Variants in NR3C2 observed in about 807,000 individuals in gnomAD.
NR3C2 encodes nuclear receptor subfamily 3 group C member 2, also known as mineralocorticoid receptor.
A neutral mutation model predicts 86.4 loss-of-function variants in NR3C2; 15 were observed. The ratio of observed to expected loss-of-function variants is 0.17; its 90% CI spans 0.12 to 0.27. The LOEUF (loss-of-function observed/expected upper bound fraction) is 0.27. NR3C2 is among the 10% of genes least tolerant of loss of function. The probability of loss-of-function intolerance (pLI) is 1.00; values close to 1 mark genes in which losing one functional copy is unlikely to be tolerated. For synonymous variants in NR3C2, 458 were observed against 450.5 expected (o/e 1.02, Z -0.21); for missense variants, 960 against 1,195.6 (o/e 0.80, Z 2.91).
At chr4:148,108,448 C>T (rs556645054) in intron 8 of NR3C2, among the ~76,000 whole-genome samples, 2 of 152,260 alleles carry the variant, frequency 1.3e-5, no homozygotes, top group East Asian at 3.9e-4. Context: ...AATGACATCT[C>T]CCCAGTGTGT....
At chr4:148,147,680 G>A (rs554834746) in intron 6 of NR3C2, among the ~76,000 whole-genome samples, 3 of 152,340 alleles carry the variant, frequency 2.0e-5, no homozygotes, top group African/African-American at 4.8e-5. Context: ...GGAGGACCAC[G>A]TCAGTGCACT....
intron 2 of NR3C2, among the ~76,000 whole-genome samples, chr4:148,401,438 A>G (rs1748155596): frequency 1.3e-5 from 2 of 151,280 alleles, no homozygotes; most frequent in African/African-American, 4.9e-5. Flanking sequence ...GGAGCTTACT[A>G]AAGACTTCTG....
intron 2 of NR3C2, among the ~76,000 whole-genome samples, chr4:148,394,260 C>T (rs947095302): frequency 6.6e-6 from 1 of 151,868 alleles, no homozygotes; most frequent in Non-Finnish European, 1.5e-5. Flanking sequence ...CCCAAAACTG[C>T]AGAATTACCA....
intron 2 of NR3C2, among the ~76,000 whole-genome samples, chr4:148,332,204 G>GA (rs1457716802): frequency 6.6e-6 from 1 of 152,000 alleles, no homozygotes; most frequent in African/African-American, 2.4e-5. Flanking sequence ...ATAAAACTCA[G>GA]AAAAAGAAAT....
chr4:148,299,485 G>A (rs1269257027), intron 2 of NR3C2, among the ~76,000 whole-genome samples: 1 of 152,148 alleles, frequency 6.6e-6, no homozygotes, highest in Non-Finnish European at 1.5e-5. Context: ...ACAGACATGC[G>A]TGGGATGGAT....
intron 4 of NR3C2, among the ~76,000 whole-genome samples, chr4:148,170,106 G>A (rs193039221): frequency 9.8e-5 from 15 of 152,294 alleles, no homozygotes; most frequent in African/African-American, 3.4e-4. Flanking sequence ...AAATGGTCCT[G>A]TGTATTGTAC....
chr4:148,291,284 T>C lies in NR3C2; in HGVS notation c.1758-31167A>G, dbSNP rs568645141. Among the ~76,000 whole-genome samples, 285 of 152,230 alleles carry C rather than the reference T, an allele frequency of 1.9e-3. 10 individuals are homozygous for C. The South Asian group carries it at 0.056, about 30-fold the overall frequency. ...TCCAAGAAGGTCTTTACCACTTAAATCTTTACATCAAAGATTTTTAGTTTG... is the reference window on the plus strand; with the variant it reads ...TCCAAGAAGGTCTTTACCACTTAAACCTTTACATCAAAGATTTTTAGTTTG... On this transcript the variant is annotated intron_variant, in intron 2 of 8. Coordinates refer to ENST00000358102, the MANE Select transcript of NR3C2 (RefSeq NM_000901.5).
At chr4:148,174,502 T>C (rs2149786588) in intron 4 of NR3C2, among the ~76,000 whole-genome samples, 1 of 152,348 alleles carries the variant, frequency 6.6e-6, no homozygotes, top group Middle Eastern at 3.4e-3. Flanking sequence ...ACACTAGCTA[T>C]GCACAGACAT....
At chr4:148,244,689 G>A (rs1051382829) in intron 3 of NR3C2, among the ~76,000 whole-genome samples, 5 of 152,202 alleles carry the variant, frequency 3.3e-5, no homozygotes, top group African/African-American at 1.2e-4. Flanking sequence ...GGGAGAGGAA[G>A]AGCCTAGTAT....
chr4:148,116,857 T>C (rs141783356), intron 7 of NR3C2, among the ~76,000 whole-genome samples: 87 of 152,306 alleles, frequency 5.7e-4, no homozygotes, highest in Middle Eastern at 3.4e-3. Flanking sequence ...TGAATTTAGA[T>C]TGAGTAGTCA....
intron 3 of NR3C2, among the ~76,000 whole-genome samples, chr4:148,201,704 ACTTTT>A (rs1389912270): frequency 3.9e-5 from 6 of 152,030 alleles, no homozygotes; most frequent in African/African-American, 1.2e-4. Flanking sequence ...CTCCCCCATT[ACTTTT>A]CTTTTAAGTC....
intron 3 of NR3C2, among the ~76,000 whole-genome samples, chr4:148,205,000 T>C (rs2149811804): frequency 6.6e-6 from 1 of 152,262 alleles, no homozygotes; most frequent in Non-Finnish European, 1.5e-5. Flanking sequence ...ACCTCAAAAG[T>C]AGAAATGAGG....
At chr4:148,189,667 G>C (rs556322990) in intron 4 of NR3C2, among the ~76,000 whole-genome samples, 1 of 152,008 alleles carries the variant, frequency 6.6e-6, no homozygotes, top group Admixed American at 6.5e-5. Context: ...TTTTTTTGTT[G>C]ACAATTTTTT....
rs561955616 is a variant in NR3C2 at position 148,406,193 on chromosome 4, T to C, written c.1757+28911A>G. ...CAAAAAAACAAACAAACAAAAAAAG[T>C]GAACAAGAGGGTAACAGCACTGTCT... On this transcript the variant is annotated intron_variant, in intron 2 of 8. Coordinates refer to ENST00000358102, the MANE Select transcript of NR3C2 (RefSeq NM_000901.5). Among the ~76,000 whole-genome samples, 7 of 151,824 alleles carry C rather than the reference T, an allele frequency of 4.6e-5. No homozygotes were observed. The South Asian group carries it at 1.5e-3, about 32-fold the overall frequency.
chr4:148,136,702 A>C (rs1004607125), intron 6 of NR3C2, among the ~76,000 whole-genome samples: 2 of 151,830 alleles, frequency 1.3e-5, no homozygotes, highest in Non-Finnish European at 2.9e-5. Flanking sequence ...GCTGGAGTGC[A>C]ATGGCGCAAT....
intron 3 of NR3C2, among the ~76,000 whole-genome samples, chr4:148,214,513 C>T (rs547371368): frequency 9.5e-4 from 145 of 152,282 alleles, no homozygotes; most frequent in Non-Finnish European, 1.8e-3. Context: ...GGCTCCATGA[C>T]CATTTAGCCA....
At chr4:148,142,521 G>C (rs931748283) in intron 6 of NR3C2, among the ~76,000 whole-genome samples, 1 of 152,098 alleles carries the variant, frequency 6.6e-6, no homozygotes, top group East Asian at 1.9e-4. Context: ...AAAGGGCCTC[G>C]TTTTGCTCTG....
At chr4:148,416,170 A>G (rs1016535889) in intron 2 of NR3C2, among the ~76,000 whole-genome samples, 2 of 152,224 alleles carry the variant, frequency 1.3e-5, no homozygotes, top group African/African-American at 2.4e-5. Flanking sequence ...ATTCACTGGG[A>G]AAAAAGTTAT....
At chr4:148,230,565 T>C (rs1237477595) in intron 3 of NR3C2, among the ~76,000 whole-genome samples, 2 of 152,216 alleles carry the variant, frequency 1.3e-5, no homozygotes, top group African/African-American at 4.8e-5. Flanking sequence ...CCCTCTGAAA[T>C]TGCAATTATG....
Sources: gnomAD v4.1 joint callset for allele counts (sites outside exome capture counted in the v4.1 genomes callset) on GRCh38, gnomAD v4.1.1 for gene constraint, MANE v1.5 for transcripts, NCBI Gene and HGNC (gene_info 2026-07-23, HGNC 2026-07-21) for gene names.